Variants in FBXW2 observed in about 807,000 individuals in gnomAD.
FBXW2 encodes the protein F-box and WD repeat domain containing 2.
A neutral mutation model predicts 46.0 loss-of-function variants in FBXW2; 12 were observed. The ratio of observed to expected loss-of-function variants is 0.26; its 90% confidence interval spans 0.17 to 0.42. FBXW2 has a LOEUF of 0.42. Among genes scored for constraint, FBXW2 ranks in the 10% least tolerant of loss-of-function variants. The pLI is 1.00. For missense variants in FBXW2, 360 were observed against 537.0 expected (o/e 0.67, Z 3.26); for synonymous variants, 203 against 209.6 (o/e 0.97, Z 0.27).
Position 120,791,845 on chromosome 9 carries a change from C to G in FBXW2, c.-21+1304G>C, listed in dbSNP as rs117472998. The stretch of plus-strand genomic sequence containing the variant: ...GCCCCCTTACCCTACGTCCCTACCC[C>G]AGAGTTAACATTCAACTTGCCCTCT... On this transcript the variant is annotated intron_variant, in intron 2 of 7. Transcript: ENST00000608872. Among the ~76,000 whole-genome samples the G allele has an allele frequency of 2.6e-3, 396 of 152,230 alleles. 1 individual carries two copies. The highest frequency in any genetic ancestry group is 3.4e-3 in the Middle Eastern group (1 of 294).
Position 120,764,445 on chromosome 9 carries a change from G to T in FBXW2, c.*114C>A, listed in dbSNP as rs957859239. The T allele has an allele frequency of 5.0e-6, 6 of 1,196,744 alleles. No homozygotes were observed. The highest frequency in any genetic ancestry group is 7.2e-6 in the Non-Finnish European group (6 of 838,712). The allele number at this position is 1,196,744 out of a possible 1,614,324, so 74.1% of individuals were successfully genotyped here. ...ACATAGATAAATGATTGTGCACTGC[G>T]TGATGATACCATTAGGTGAGAACTT... On this transcript the variant is annotated 3_prime_UTR_variant, in exon 8 of 8. Coordinates refer to ENST00000608872, the MANE Select transcript of FBXW2 (RefSeq NM_012164.4).
At position 120,760,065 on chromosome 9, in the gene FBXW2, TCAGA is replaced by T. The variant is rs1245506049; in HGVS notation, c.*4490_*4493del. On this transcript the variant is annotated 3_prime_UTR_variant, in exon 8 of 8. Coordinates refer to ENST00000608872, the MANE Select transcript of FBXW2 (RefSeq NM_012164.4). The stretch of plus-strand genomic sequence containing the variant: ...CAAAAAAGTGAATCTGTTCTTTTCA[TCAGA>T]CATTCTGAGGACAGCATAATTCTCA... The T allele has an allele frequency of 2.0e-5, 3 of 152,244 alleles. No individual in the cohort carries two copies. Among genetic ancestry groups the T allele is most frequent in the Non-Finnish European group, 4.4e-5 (3 of 68,048 alleles). 9.4% of individuals were successfully genotyped at this position (152,244 alleles called of 1,614,324 possible). A position where few individuals can be genotyped will look rare whatever the true frequency, so the allele number is the denominator to read the frequency against.
intron 7 of FBXW2, 137 bp downstream of exon 7, chr9:120,771,211 C>A (rs1281723759): frequency 1.0e-5 from 7 of 698,070 alleles, no homozygotes; most frequent in African/African-American, 3.6e-5. Context: ...GTATATATAA[C>A]CCTGTTTACA....
Position 120,760,689 on chromosome 9 carries a change from T to C in FBXW2, c.*3870A>G, listed in dbSNP as rs1458966845. The C allele has an allele frequency of 1.3e-5, 2 of 152,174 alleles. No homozygotes were observed. The highest frequency in any genetic ancestry group is 4.8e-5 in the African/African-American group (2 of 41,438). 9.4% of individuals were successfully genotyped at this position (152,174 alleles called of 1,614,324 possible). ...CAGTGATGTTGGTAGGATTCACCTCTAGGCAATCTGGAAGCCACACAGTAA... is the reference window on the plus strand; with the variant it reads ...CAGTGATGTTGGTAGGATTCACCTCCAGGCAATCTGGAAGCCACACAGTAA... On this transcript the variant is annotated 3_prime_UTR_variant, in exon 8 of 8. Transcript: ENST00000608872.
intron 7 of FBXW2, among the ~76,000 whole-genome samples, chr9:120,767,678 A>G (rs1032821656): frequency 1.3e-5 from 2 of 152,158 alleles, no homozygotes; most frequent in African/African-American, 2.4e-5. Flanking sequence ...AGTTCCTCAC[A>G]CTCAAACTAT....
At chr9:120,774,210 G>A (rs1387846674) in intron 5 of FBXW2, among the ~76,000 whole-genome samples, 5 of 151,872 alleles carry the variant, frequency 3.3e-5, no homozygotes, top group Admixed American at 1.3e-4. Context: ...GGTGGTGGGC[G>A]CCTGTAATCC....
chr9:120,778,617 T>A, intron 3 of FBXW2, 72 bp from the exon 4 acceptor site: 1 of 1,333,732 alleles, frequency 7.5e-7, no homozygotes, highest in Non-Finnish European at 1.0e-6. Context: ...CCCAAAATCA[T>A]GGTGTTCTTC....
intron 3 of FBXW2, among the ~76,000 whole-genome samples, chr9:120,783,481 T>C (rs954489861): frequency 1.3e-5 from 2 of 152,194 alleles, no homozygotes; most frequent in Admixed American, 6.5e-5. Flanking sequence ...AATCAGACTA[T>C]TGCACAGAAC....
intron 2 of FBXW2, among the ~76,000 whole-genome samples, chr9:120,789,638 C>T (rs928592654): frequency 2.0e-5 from 3 of 152,114 alleles, no homozygotes; most frequent in African/African-American, 7.2e-5. Context: ...ATTTTAAAAA[C>T]ATATGTCCAA....
rs2044208784 is a variant in FBXW2 at position 120,762,342 on chromosome 9, A to C, written c.*2217T>G. ...GCAGTAAGAGCGAAACTCTGTCTCA[A>C]AAAAAAAAAAATAATAATAAAGTAA... On this transcript the variant is annotated 3_prime_UTR_variant, in exon 8 of 8. Transcript: ENST00000608872. 7.2e-6 allele frequency: 1 copy of C among 138,220 alleles called. No homozygotes were observed. Among genetic ancestry groups the C allele is most frequent in the South Asian group, 2.1e-4 (1 of 4,674 alleles). 8.6% of individuals were successfully genotyped at this position (138,220 alleles called of 1,614,324 possible).
chr9:120,789,501 T>C (rs1249233680), intron 2 of FBXW2, among the ~76,000 whole-genome samples: 1 of 152,246 alleles, frequency 6.6e-6, no homozygotes, highest in Non-Finnish European at 1.5e-5. Flanking sequence ...TGTTGATAGA[T>C]GTTAATGCTG....
intron 2 of FBXW2, among the ~76,000 whole-genome samples, chr9:120,791,861 C>G (rs1300356302): frequency 6.6e-6 from 1 of 152,158 alleles, no homozygotes; most frequent in Non-Finnish European, 1.5e-5. Context: ...TAACATTCAA[C>G]TTGCCCTCTT....
chr9:120,786,630 T>C (rs2044729564), intron 3 of FBXW2, among the ~76,000 whole-genome samples: 1 of 152,202 alleles, frequency 6.6e-6, no homozygotes, highest in South Asian at 2.1e-4. Flanking sequence ...TATACCGTAA[T>C]ACACAAATGT....
At chr9:120,770,204 G>A (rs1045933246) in intron 7 of FBXW2, among the ~76,000 whole-genome samples, 5 of 152,054 alleles carry the variant, frequency 3.3e-5, no homozygotes, top group South Asian at 2.1e-4. Flanking sequence ...GTGAAACCCC[G>A]TCTCTACTAA....
At chr9:120,778,239 A>C in intron 4 of FBXW2, 112 bp downstream of exon 4, 1 of 893,100 alleles carries the variant, frequency 1.1e-6, no homozygotes, top group Non-Finnish European at 1.7e-6. Flanking sequence ...ACTAAGAAAG[A>C]GGGTTGAAAA....
intron 7 of FBXW2, among the ~76,000 whole-genome samples, chr9:120,769,889 TC>T (rs2044340206): frequency 6.6e-6 from 1 of 152,246 alleles, no homozygotes; most frequent in African/African-American, 2.4e-5. Context: ...GTCTTTTTTC[TC>T]AAAGCATAAA....
intron 3 of FBXW2, among the ~76,000 whole-genome samples, chr9:120,783,360 T>A (rs1394392510): frequency 1.3e-5 from 2 of 152,114 alleles, no homozygotes; most frequent in South Asian, 4.2e-4. Context: ...TCACCAGTGA[T>A]GCAGCATAGA....
intron 3 of FBXW2, among the ~76,000 whole-genome samples, chr9:120,782,317 T>C (rs1371395873): frequency 6.6e-6 from 1 of 151,624 alleles, no homozygotes; most frequent in Non-Finnish European, 1.5e-5. Context: ...AATACAAAAA[T>C]TAGCCAGACA....
intron 3 of FBXW2, among the ~76,000 whole-genome samples, chr9:120,783,448 A>G (rs977306384): frequency 6.6e-6 from 1 of 152,204 alleles, no homozygotes; most frequent in African/African-American, 2.4e-5. Flanking sequence ...GTATCTTAAA[A>G]ATCTTAATAA....
Sources: allele counts gnomAD v4.1 joint callset (sites outside exome capture counted in the v4.1 genomes callset), GRCh38; gene constraint gnomAD v4.1.1; transcripts MANE v1.5; gene names NCBI Gene and HGNC (gene_info 2026-07-23, HGNC 2026-07-21).